LINGO2: variants seen among roughly 807,000 people sequenced by gnomAD.
LINGO2 encodes leucine-rich repeat and immunoglobulin-like domain-containing nogo receptor-interacting protein 2.
A neutral mutation model predicts 30.6 loss-of-function variants in LINGO2; 14 were observed. The observed-to-expected ratio is 0.46, with a 90% CI of 0.30 to 0.72. LINGO2 has a LOEUF of 0.72. Ranked by LOEUF, LINGO2 falls within the 30% of genes least tolerant of loss-of-function variation. The probability of loss-of-function intolerance (pLI) is 0.07; values close to 1 mark genes in which losing one functional copy is unlikely to be tolerated. For missense variants in LINGO2, 729 were observed against 751.7 expected, an observed-to-expected ratio of 0.97 and a Z score of 0.35; for synonymous variants, 317 against 288.5, an observed-to-expected ratio of 1.10 and a Z score of -1.00.
At chr9:28,964,555 A>G in the LINGO2 span, among the ~76,000 whole-genome samples, 1 of 151,950 alleles carries the variant, frequency 6.6e-6, no homozygotes, top group South Asian at 2.1e-4. Flanking sequence ...TTCTGTAGGA[A>G]TGAGAAACCA....
chr9:28,364,134 A>G (rs1385825855), intron 3 of LINGO2, among the ~76,000 whole-genome samples: 1 of 152,238 alleles, frequency 6.6e-6, no homozygotes, highest in Non-Finnish European at 1.5e-5. Context: ...TTAAGAGATT[A>G]TGATATAAAG....
intron 1 of LINGO2, among the ~76,000 whole-genome samples, chr9:28,487,164 G>A (rs1393966963): frequency 6.6e-6 from 1 of 152,218 alleles, no homozygotes; most frequent in East Asian, 1.9e-4. Flanking sequence ...GGTCCCCATC[G>A]GGTAGGAAAC....
At chr9:28,865,946 TG>T in the LINGO2 span, among the ~76,000 whole-genome samples, 2 of 152,182 alleles carry the variant, frequency 1.3e-5, no homozygotes, top group South Asian at 4.1e-4. Flanking sequence ...TTATACCTCT[TG>T]TTGCTATTCT....
chr9:28,888,699 T>G, the LINGO2 span, among the ~76,000 whole-genome samples: 35 of 152,154 alleles, frequency 2.3e-4, no homozygotes, highest in Non-Finnish European at 4.3e-4. Flanking sequence ...GTAAACCTAC[T>G]GACATCCATG....
At chr9:28,635,130 A>C (rs1424892301) in intron 1 of LINGO2, among the ~76,000 whole-genome samples, 1 of 152,116 alleles carries the variant, frequency 6.6e-6, no homozygotes, top group Non-Finnish European at 1.5e-5. Flanking sequence ...GGACTCATTC[A>C]CTCTTGAAAC....
At chr9:28,647,893 C>CTTTTTTTTTTTTTT (rs5897315) in intron 1 of LINGO2, among the ~76,000 whole-genome samples, 10 of 130,208 alleles carry the variant, frequency 7.7e-5, no homozygotes, top group Non-Finnish European at 1.2e-4. Flanking sequence ...TTCTTTCTTT[C>CTTTTTTTTTTTTTT]TTTTTTTTTT....
intron 4 of LINGO2, among the ~76,000 whole-genome samples, chr9:28,028,807 C>T (rs971357726): frequency 1.3e-5 from 2 of 152,006 alleles, no homozygotes; most frequent in Non-Finnish European, 1.5e-5. Context: ...TGAGAATCCA[C>T]AGATATGGAG....
At chr9:28,319,698 G>T (rs1329310274) in intron 3 of LINGO2, among the ~76,000 whole-genome samples, 1 of 152,114 alleles carries the variant, frequency 6.6e-6, no homozygotes, top group African/African-American at 2.4e-5. Flanking sequence ...TTGTTTCCAG[G>T]AAATGAGAAT....
chr9:29,022,159 T>C, the LINGO2 span, among the ~76,000 whole-genome samples: 272 of 152,326 alleles, frequency 1.8e-3, no homozygotes, highest in African/African-American at 6.2e-3. Context: ...CCTATCGATT[T>C]TCTCCTTCTT....
At chr9:28,758,405 TAA>T in the LINGO2 span, among the ~76,000 whole-genome samples, 1 of 152,102 alleles carries the variant, frequency 6.6e-6, no homozygotes, top group Admixed American at 6.5e-5. Context: ...GAAACTGAAA[TAA>T]GTGTTAATTT....
intron 3 of LINGO2, among the ~76,000 whole-genome samples, chr9:28,318,015 A>G (rs1458072339): frequency 6.6e-6 from 1 of 152,208 alleles, no homozygotes; most frequent in African/African-American, 2.4e-5. Flanking sequence ...CAAGGAATAC[A>G]CATATGCTGC....
chr9:28,480,511 A>G (rs1012756681), intron 1 of LINGO2, among the ~76,000 whole-genome samples: 5 of 152,100 alleles, frequency 3.3e-5, no homozygotes, highest in African/African-American at 1.2e-4. Context: ...AGGAATAAAG[A>G]GAAAAATAAA....
intron 4 of LINGO2, among the ~76,000 whole-genome samples, chr9:28,251,166 C>T (rs1226628708): frequency 1.3e-5 from 2 of 150,710 alleles, no homozygotes; most frequent in Non-Finnish European, 3.0e-5. Flanking sequence ...CTTTCTCTGC[C>T]CCCTATGATG....
the LINGO2 span, among the ~76,000 whole-genome samples, chr9:29,135,385 C>T: frequency 6.6e-6 from 1 of 151,890 alleles, no homozygotes; most frequent in Non-Finnish European, 1.5e-5. Flanking sequence ...TGGTGAAACC[C>T]CGTCTCTACT....
chr9:27,941,517 T>C, the LINGO2 span: 2 of 152,244 alleles, frequency 1.3e-5, no homozygotes, highest in African/African-American at 4.8e-5. Context: ...GTTTATTGCT[T>C]CCTGGAGATG....
chr9:28,249,508 T>C (rs1822118612), intron 4 of LINGO2, among the ~76,000 whole-genome samples: 1 of 152,270 alleles, frequency 6.6e-6, no homozygotes, highest in South Asian at 2.1e-4. Flanking sequence ...TGTACAATCA[T>C]GCACTTTACA....
intron 5 of LINGO2, among the ~76,000 whole-genome samples, chr9:28,002,601 T>G (rs1421771665): frequency 1.3e-5 from 2 of 152,180 alleles, no homozygotes; most frequent in Non-Finnish European, 2.9e-5. Flanking sequence ...CTGTAAGAAT[T>G]TGTGTGATGT....
chr9:28,650,675 C>A lies in LINGO2; in HGVS notation c.-365+19525G>T, dbSNP rs78513935. On this transcript the variant is annotated intron_variant, in intron 1 of 5. Transcript: ENST00000379992. ...ACATTTCCTCTTCCCTGGCTGTTTT[C>A]TTCTTTCTACTTATGTCTAATAAAC... Among the ~76,000 whole-genome samples the A allele has an allele frequency of 8.2e-3, 1,244 of 152,230 alleles. 24 individuals are homozygous for A. The highest frequency in any genetic ancestry group is 0.029 in the African/African-American group (1,200 of 41,530).
chr9:28,725,585 A>G, the LINGO2 span, among the ~76,000 whole-genome samples: 3 of 151,406 alleles, frequency 2.0e-5, no homozygotes, highest in African/African-American at 7.2e-5. Flanking sequence ...AAAAAAAAAG[A>G]AAATGGCCTG....
Sources: gnomAD v4.1 joint callset for allele counts (sites outside exome capture counted in the v4.1 genomes callset) on GRCh38, gnomAD v4.1.1 for gene constraint, MANE v1.5 for transcripts, NCBI Gene and HGNC (gene_info 2026-07-23, HGNC 2026-07-21) for gene names.